The following KSR2 variants were observed in gnomAD, a reference collection of about 807,000 sequenced individuals.
The protein encoded by KSR2 is kinase suppressor of ras 2.
Under a neutral mutation model 107.8 loss-of-function variants are expected in KSR2, and 25 were observed. The ratio of observed to expected loss-of-function variants is 0.23; its 90% CI spans 0.17 to 0.32. The LOEUF (loss-of-function observed/expected upper bound fraction) is 0.32. KSR2 is among the 10% of genes least tolerant of loss of function. The pLI, the probability that KSR2 is intolerant of heterozygous loss-of-function variation, is 1.00. For synonymous variants in KSR2, 480 were observed against 507.0 expected (o/e 0.95, Z 0.71); for missense variants, 887 against 1,268.9 (o/e 0.70, Z 4.57).
intron 4 of KSR2, among the ~76,000 whole-genome samples, chr12:117,705,858 A>G (rs905852959): frequency 6.6e-6 from 1 of 152,104 alleles, no homozygotes; most frequent in African/African-American, 2.4e-5. Context: ...GAATCCACCA[A>G]TCTGGAATGC....
chr12:117,479,870 G>C (rs1872048160), intron 16 of KSR2, among the ~76,000 whole-genome samples: 1 of 152,186 alleles, frequency 6.6e-6, no homozygotes, highest in Middle Eastern at 3.4e-3. Context: ...ATGGAACCTT[G>C]AGCAGACCCA....
intron 5 of KSR2, among the ~76,000 whole-genome samples, chr12:117,664,042 A>T (rs935779382): frequency 6.6e-6 from 1 of 152,206 alleles, no homozygotes; most frequent in African/African-American, 2.4e-5. Flanking sequence ...GAAGCGTCTG[A>T]CGTCTTTCAT....
chr12:117,640,604 C>A (rs1568156), intron 5 of KSR2, among the ~76,000 whole-genome samples: 25,075 of 152,012 alleles, frequency 0.16, 2,131 homozygotes, highest in Middle Eastern at 0.23. Flanking sequence ...AGCGTGTTCC[C>A]ACAGTGTGGC....
chr12:117,811,182 C>T (rs1242959435), intron 3 of KSR2, among the ~76,000 whole-genome samples: 2 of 152,118 alleles, frequency 1.3e-5, no homozygotes, highest in Non-Finnish European at 2.9e-5. Context: ...GTGACTTCTG[C>T]CCTCCTGGCC....
At chr12:117,591,466 G>A (rs1265343150) in intron 5 of KSR2, among the ~76,000 whole-genome samples, 1 of 152,026 alleles carries the variant, frequency 6.6e-6, no homozygotes, top group African/African-American at 2.4e-5. Flanking sequence ...ATTGGAGGCA[G>A]TGGTGGTGGT....
chr12:117,788,071 T>C (rs1232758093), intron 3 of KSR2, among the ~76,000 whole-genome samples: 2 of 152,220 alleles, frequency 1.3e-5, no homozygotes, highest in Non-Finnish European at 2.9e-5. Flanking sequence ...TGAACAGCTG[T>C]CTTCCTGCTG....
intron 5 of KSR2, among the ~76,000 whole-genome samples, chr12:117,621,477 C>G (rs79052503): frequency 0.023 from 3,440 of 152,234 alleles, 38 homozygotes; most frequent in Non-Finnish European, 0.033. Context: ...CCTCTCTGTG[C>G]CTCAGTCTCC....
rs552779539 is a variant in KSR2, at chr12:117,895,669, T to C, written c.181-35238A>G. On this transcript the variant is annotated intron_variant, in intron 1 of 19. Transcript: ENST00000339824. ...ATTGTGGAGCTGCTGTGGAAACGTTTAGCAGTTCCCCAAATGTTAAACATA... is the reference window on the plus strand; with the variant it reads ...ATTGTGGAGCTGCTGTGGAAACGTTCAGCAGTTCCCCAAATGTTAAACATA... 5.1e-4 allele frequency among the ~76,000 whole-genome samples: 78 copies of C among 152,332 alleles called. 1 individual carries two copies. The highest frequency in any genetic ancestry group is 1.9e-3 in the African/African-American group (77 of 41,582).
chr12:117,844,410 T>C (rs1442031103), intron 3 of KSR2, among the ~76,000 whole-genome samples: 1 of 151,600 alleles, frequency 6.6e-6, no homozygotes, highest in African/African-American at 2.4e-5. Context: ...CAGAAATTAC[T>C]GAGTTTGCAG....
At chr12:117,772,466 T>A (rs1162422103) in intron 3 of KSR2, among the ~76,000 whole-genome samples, 1 of 89,330 alleles carries the variant, frequency 1.1e-5, no homozygotes, top group Non-Finnish European at 2.2e-5. Flanking sequence ...TACACACCAT[T>A]CCCCCAAAGA....
chr12:117,725,082 TCTCACA>T (rs1170535596), intron 4 of KSR2, among the ~76,000 whole-genome samples: 35 of 139,744 alleles, frequency 2.5e-4, no homozygotes, highest in African/African-American at 6.2e-4. Context: ...TCTCTCTCTC[TCTCACA>T]CACACACACA....
chr12:117,850,042 T>C (rs549924159), intron 3 of KSR2, among the ~76,000 whole-genome samples: 1 of 152,140 alleles, frequency 6.6e-6, no homozygotes, highest in South Asian at 2.1e-4. Flanking sequence ...ATTTTTAGAG[T>C]AAAGGAAAGC....
intron 3 of KSR2, among the ~76,000 whole-genome samples, chr12:117,773,404 C>G (rs1212235099): frequency 2.0e-5 from 3 of 152,150 alleles, no homozygotes; most frequent in Non-Finnish European, 2.9e-5. Flanking sequence ...AAAAGCCATT[C>G]TCAAGGGAAA....
At chr12:117,948,441 G>C (rs1348698491) in intron 1 of KSR2, among the ~76,000 whole-genome samples, 1 of 150,584 alleles carries the variant, frequency 6.6e-6, no homozygotes, top group African/African-American at 2.5e-5. Context: ...AGTGAGCCCA[G>C]ATCGCGCCAT....
At chr12:117,748,484 G>C (rs1373836873) in intron 4 of KSR2, among the ~76,000 whole-genome samples, 1 of 152,098 alleles carries the variant, frequency 6.6e-6, no homozygotes, top group Non-Finnish European at 1.5e-5. Context: ...TAAGATGATA[G>C]ATATGTTAAT....
intron 4 of KSR2, among the ~76,000 whole-genome samples, chr12:117,754,515 G>A (rs1022035926): frequency 4.6e-5 from 7 of 152,118 alleles, no homozygotes; most frequent in Admixed American, 6.6e-5. Flanking sequence ...GCATGCACCT[G>A]TAATCCCAGC....
Position 117,806,342 on chromosome 12 carries a change from G to A in KSR2, c.473-44818C>T, listed in dbSNP as rs564833336. ...CAGCCCAATTAAATCAGCTCTAGGA[G>A]TGAAGCCCAGGCAGCCAGAGTTTCA... is the stretch of plus-strand genomic sequence containing the variant. On this transcript the variant is annotated intron_variant, in intron 3 of 19. Coordinates refer to ENST00000339824, the MANE Select transcript of KSR2 (RefSeq NM_173598.6). 2.6e-5 allele frequency among the ~76,000 whole-genome samples: 4 copies of A among 152,256 alleles called. No homozygotes were observed. In the East Asian group the frequency reaches 7.7e-4, roughly 29 times the overall value.
Position 117,908,597 on chromosome 12 carries a change from G to A in KSR2, c.181-48166C>T, listed in dbSNP as rs189291939. 2.8e-4 allele frequency among the ~76,000 whole-genome samples: 43 copies of A among 152,304 alleles called. No individual in the cohort carries two copies. The South Asian group carries it at 7.7e-3, about 27-fold the overall frequency. ...CACAGTGATTCTAAGGCCAAAGGTAGTTCAATGTGCTGTCACTCTTACAAG... is the reference window on the plus strand; with the variant it reads ...CACAGTGATTCTAAGGCCAAAGGTAATTCAATGTGCTGTCACTCTTACAAG... On this transcript the variant is annotated intron_variant, in intron 1 of 19. Coordinates refer to ENST00000339824, the MANE Select transcript of KSR2 (RefSeq NM_173598.6).
chr12:117,867,222 G>A (rs1370630722), intron 1 of KSR2, among the ~76,000 whole-genome samples: 1 of 152,030 alleles, frequency 6.6e-6, no homozygotes, highest in Non-Finnish European at 1.5e-5. Context: ...AGGCTGAGGT[G>A]GGAGGATGGC....
Sources: allele counts gnomAD v4.1 joint callset (sites outside exome capture counted in the v4.1 genomes callset), GRCh38; gene constraint gnomAD v4.1.1; transcripts MANE v1.5; gene names NCBI Gene and HGNC (gene_info 2026-07-23, HGNC 2026-07-21).